LARP4B: variants seen among roughly 807,000 people sequenced by gnomAD.
LARP4B encodes La ribonucleoprotein 4B.
A neutral mutation model predicts 89.8 loss-of-function variants in LARP4B; 12 were observed. The ratio of observed to expected loss-of-function variants is 0.13; its 90% CI spans 0.09 to 0.22. The LOEUF is 0.22. LARP4B is among the 10% of genes least tolerant of loss of function. The probability of loss-of-function intolerance (pLI) is 1.00; values close to 1 mark genes in which losing one functional copy is unlikely to be tolerated. For synonymous variants in LARP4B, 367 were observed against 363.3 expected (o/e 1.01, Z -0.12); for missense variants, 757 against 947.7 (o/e 0.80, Z 2.64).
At chr10:835,707 G>A (rs1269625752) in intron 8 of LARP4B, among the ~76,000 whole-genome samples, 1 of 152,130 alleles carries the variant, frequency 6.6e-6, no homozygotes, top group East Asian at 1.9e-4. Flanking sequence ...GCCCAAGTCG[G>A]GTGGATTATG....
At chr10:977,929 G>A in the LARP4B span, among the ~76,000 whole-genome samples, 6 of 152,044 alleles carry the variant, frequency 3.9e-5, no homozygotes, top group Non-Finnish European at 8.8e-5. Flanking sequence ...GGGTGGGTGA[G>A]GCAACTCTAC....
chr10:851,798 C>T (rs1834064581), intron 5 of LARP4B, among the ~76,000 whole-genome samples: 2 of 152,026 alleles, frequency 1.3e-5, no homozygotes, highest in African/African-American at 2.4e-5. Flanking sequence ...GACGCAGTGG[C>T]TCATGCTTGT....
intron 1 of LARP4B, among the ~76,000 whole-genome samples, chr10:918,162 C>T (rs1836877290): frequency 6.6e-6 from 1 of 152,168 alleles, no homozygotes; most frequent in Non-Finnish European, 1.5e-5. Flanking sequence ...AGTGACTTGA[C>T]TGAGGGCTGA....
At chr10:937,127 C>T in the LARP4B span, among the ~76,000 whole-genome samples, 1 of 152,164 alleles carries the variant, frequency 6.6e-6, no homozygotes, top group South Asian at 2.1e-4. Context: ...ACTGCAGTCT[C>T]GACCTCCTGG....
the LARP4B span, among the ~76,000 whole-genome samples, chr10:976,332 C>A: frequency 4.8e-4 from 72 of 150,946 alleles, no homozygotes; most frequent in East Asian, 0.012. Context: ...GTGGACCCGG[C>A]CTAGTAGAAG....
chr10:884,973 A>T (rs1331483426), intron 2 of LARP4B, among the ~76,000 whole-genome samples: 1 of 152,182 alleles, frequency 6.6e-6, no homozygotes, highest in African/African-American at 2.4e-5. Flanking sequence ...ATCATCTACT[A>T]CTTATAGTTT....
the LARP4B span, among the ~76,000 whole-genome samples, chr10:957,212 G>C: frequency 6.6e-6 from 1 of 152,188 alleles, no homozygotes; most frequent in South Asian, 2.1e-4. Flanking sequence ...ACCCAGGCTG[G>C]AGTGCAGTGG....
chr10:867,414 T>C (rs546912132), intron 3 of LARP4B, among the ~76,000 whole-genome samples: 3 of 152,294 alleles, frequency 2.0e-5, no homozygotes, highest in South Asian at 2.1e-4. Context: ...TTCTAAGCAA[T>C]TGCGTTCAGC....
At position 817,880 on chromosome 10, in the gene LARP4B, T is replaced by C. The variant is rs760901798; in HGVS notation, c.1540A>G (p.Thr514Ala). ...GGCTTTGGTGGCGTTGGAGACTGTG[T>C]CTGGCTGCTCTGCAACAGAATGACA... The part of the protein sequence containing the change: ...KREEKFTSSQ[T>A]QSPTPPKPPS... Residue 514 changes from threonine (T) to alanine (A), a missense_variant, in exon 15 of 18, where the codon ACA becomes GCA. Coordinates refer to ENST00000316157, the MANE Select transcript of LARP4B (RefSeq NM_015155.3). 33 of 1,613,206 alleles carry C rather than the reference T, an allele frequency of 2.0e-5. No individual in the cohort carries two copies. The South Asian group carries it at 3.2e-4, about 16-fold the overall frequency.
chr10:910,699 G>A (rs1313675498), intron 1 of LARP4B, among the ~76,000 whole-genome samples: 1 of 152,196 alleles, frequency 6.6e-6, no homozygotes, highest in East Asian at 1.9e-4. Context: ...TTCCACCTCT[G>A]CTCATGGCAG....
At chr10:923,062 A>C (rs1223643169) in intron 1 of LARP4B, among the ~76,000 whole-genome samples, 5 of 151,794 alleles carry the variant, frequency 3.3e-5, no homozygotes, top group African/African-American at 9.7e-5. Context: ...GAAACAGGTG[A>C]GACTCCACCT....
chr10:906,302 TC>T (rs1836491787), intron 1 of LARP4B, among the ~76,000 whole-genome samples: 1 of 152,226 alleles, frequency 6.6e-6, no homozygotes, highest in African/African-American at 2.4e-5. Context: ...TTTGAGATAC[TC>T]CAAAGTTTTC....
chr10:959,918 C>CTCAATCCCACCTCCTCG, the LARP4B span, among the ~76,000 whole-genome samples: 29 of 146,642 alleles, frequency 2.0e-4, no homozygotes, highest in African/African-American at 5.6e-4. Context: ...CCACCTCCTC[C>CTCAATCCCACCTCCTCG]TCAATCCCAC....
intron 3 of LARP4B, among the ~76,000 whole-genome samples, chr10:881,080 G>A (rs1373238531): frequency 6.6e-6 from 1 of 152,202 alleles, no homozygotes; most frequent in Admixed American, 6.5e-5. Flanking sequence ...AAGCCGCTGA[G>A]AATGATGTTT....
rs1832430304 is a variant in LARP4B at position 822,878 on chromosome 10, G to A, written c.1485-2033C>T. On this transcript the variant is annotated intron_variant, in intron 13 of 17. Transcript: ENST00000316157. This position sits in a 1 kb window ranked among gnomAD's most constrained non-coding sequence, Gnocchi z 4.6. ...GGCCGTGCCCTGCCATGGCCGCCATGCAAGGGTAGGGACATGTGTCTGGAC... is the reference window on the plus strand; with the variant it reads ...GGCCGTGCCCTGCCATGGCCGCCATACAAGGGTAGGGACATGTGTCTGGAC... Among the ~76,000 whole-genome samples the A allele has an allele frequency of 6.6e-6, 1 of 152,224 alleles. No individual in the cohort carries two copies.
the LARP4B span, among the ~76,000 whole-genome samples, chr10:978,140 C>A: frequency 1.3e-5 from 2 of 152,286 alleles, no homozygotes; most frequent in African/African-American, 4.8e-5. Flanking sequence ...CAGGTTTGAC[C>A]ATTTAGTCTT....
chr10:849,470 C>T (rs1833936713), intron 5 of LARP4B, among the ~76,000 whole-genome samples: 1 of 152,146 alleles, frequency 6.6e-6, no homozygotes, highest in Admixed American at 6.5e-5. Context: ...ATAAAACAAA[C>T]ATTCTGGAAT....
chr10:907,301 T>C (rs1174101607), intron 1 of LARP4B, among the ~76,000 whole-genome samples: 1 of 152,212 alleles, frequency 6.6e-6, no homozygotes, highest in Non-Finnish European at 1.5e-5. Flanking sequence ...ATTTAAAATA[T>C]GAAGCCCAGA....
chr10:921,505 G>A (rs1836979417), intron 1 of LARP4B, among the ~76,000 whole-genome samples: 1 of 152,076 alleles, frequency 6.6e-6, no homozygotes, highest in Non-Finnish European at 1.5e-5. Context: ...TTGGCAGGGG[G>A]ACGCGGGGAG....
Sources: allele counts gnomAD v4.1 joint callset (sites outside exome capture counted in the v4.1 genomes callset), GRCh38; gene constraint gnomAD v4.1.1; non-coding constraint Gnocchi (gnomAD v3.1); transcripts MANE v1.5; gene names NCBI Gene and HGNC (gene_info 2026-07-23, HGNC 2026-07-21).